CAMK2G: variants seen among roughly 807,000 people sequenced by gnomAD.
CAMK2G encodes calcium/calmodulin dependent protein kinase II gamma, also known as calcium/calmodulin-dependent protein kinase type II subunit gamma.
CAMK2G carries 23 observed loss-of-function variants against 88.7 expected under a neutral mutation model. The observed-to-expected ratio is 0.26, with a 90% CI of 0.19 to 0.37. The LOEUF (loss-of-function observed/expected upper bound fraction) is 0.37. Ranked by LOEUF, CAMK2G falls within the 10% of genes least tolerant of loss-of-function variation. CAMK2G has a pLI of 1.00. For synonymous variants in CAMK2G, 263 were observed against 294.8 expected (o/e 0.89, Z 1.11); for missense variants, 476 against 780.8 (o/e 0.61, Z 4.65).
chr10:73,815,187 A>G lies in CAMK2G; in HGVS notation c.1595T>C (p.Ile532Thr), dbSNP rs778095008. 7.4e-6 allele frequency: 12 copies of G among 1,614,110 alleles called. No homozygotes were observed. The highest frequency in any genetic ancestry group is 1.1e-5 in the South Asian group (1 of 91,096). Residue 532 changes from isoleucine (I) to threonine (T), a missense_variant, in exon 22 of 23, where the codon ATT (isoleucine) becomes ACT (threonine). Physicochemically the swap from Ile to Thr is moderately conservative, Grantham distance 89. This residue lies in a region of CAMK2G where 278 missense variants were observed against 366.5 expected (regional missense o/e 0.76). Transcript: ENST00000423381. ...GGCGATGCACGCTGCGTCCTCCCCA[A>G]TCACGTGGACGTGTGGGTTTAGGAT... is the stretch of plus-strand genomic sequence containing the variant. ...TTILNPHVHV[I>T]GEDAACIAYI...
intron 3 of CAMK2G, among the ~76,000 whole-genome samples, chr10:73,854,997 A>G (rs1327863100): frequency 2.0e-5 from 3 of 152,168 alleles, no homozygotes; most frequent in Admixed American, 2.0e-4. Flanking sequence ...ATTATTGGAT[A>G]TAATGTATAT....
intron 18 of CAMK2G, among the ~76,000 whole-genome samples, 181 bp from the exon 19 acceptor site, chr10:73,819,826 C>G (rs2087215084): frequency 6.6e-6 from 1 of 152,230 alleles, no homozygotes; most frequent in Non-Finnish European, 1.5e-5. Flanking sequence ...GCCGCCTCTG[C>G]CAGAGAGGCC....
intron 14 of CAMK2G, among the ~76,000 whole-genome samples, chr10:73,831,328 A>T (rs2092391967): frequency 6.6e-6 from 1 of 151,820 alleles, no homozygotes; most frequent in South Asian, 2.1e-4. Flanking sequence ...TCACAAGGTC[A>T]GGAGATCGAG....
chr10:73,873,884 A>C, intron 1 of CAMK2G, among the ~76,000 whole-genome samples: 1 of 22,130 alleles, frequency 4.5e-5, no homozygotes, highest in Non-Finnish European at 8.3e-5. Flanking sequence ...GGGGGAGGGG[A>C]CGGGGGTGCC....
chr10:73,873,107 C>G, intron 1 of CAMK2G, 24 bp from the exon 2 acceptor site: 2 of 1,510,346 alleles, frequency 1.3e-6, no homozygotes, highest in Non-Finnish European at 1.8e-6. Flanking sequence ...GGGAAAAGAA[C>G]TGGGACACGG....
intron 14 of CAMK2G, among the ~76,000 whole-genome samples, chr10:73,835,433 A>C (rs1158146842): frequency 1.3e-5 from 2 of 151,114 alleles, no homozygotes; most frequent in African/African-American, 4.9e-5. Flanking sequence ...AGTAGCTGTG[A>C]CTACAGATGC....
Position 73,842,041 on chromosome 10 carries a change from T to A in CAMK2G, c.946+128A>T. ...GCAGCAGCAGCCCCTCAAAACAGGA[T>A]CCTCACTCGCCCTGGTCAAGGTGTG... On this transcript the variant is annotated intron_variant, in intron 12 of 22. Coordinates refer to ENST00000423381, the MANE Select transcript of CAMK2G (RefSeq NM_001367534.1). This position sits in a 1 kb window ranked among gnomAD's most constrained non-coding sequence, Gnocchi z 4.6. 1 of 758,136 alleles carries A rather than the reference T, an allele frequency of 1.3e-6. No individual in the cohort carries two copies. 47.0% of individuals were successfully genotyped at this position (758,136 alleles called of 1,614,324 possible). A position where few individuals can be genotyped will look rare whatever the true frequency, so the allele number is the denominator to read the frequency against.
chr10:73,855,693 A>C (rs2094977485), intron 3 of CAMK2G, among the ~76,000 whole-genome samples: 1 of 152,254 alleles, frequency 6.6e-6, no homozygotes, highest in East Asian at 1.9e-4. Context: ...AAGCCGGGGA[A>C]GGGAATTAGA....
chr10:73,860,736 C>T, intron 3 of CAMK2G, 94 bp downstream of exon 3: 4 of 912,908 alleles, frequency 4.4e-6, no homozygotes, highest in Non-Finnish European at 7.2e-6. Flanking sequence ...TGAAGGTCCA[C>T]AGACAGAGGT....
Position 73,839,134 on chromosome 10 carries a change from T to C in CAMK2G, c.1009+405A>G, listed in dbSNP as rs1353637686. On this transcript the variant is annotated intron_variant, in intron 13 of 22. Coordinates refer to ENST00000423381, the MANE Select transcript of CAMK2G (RefSeq NM_001367534.1). The surrounding 1 kb of genome is among the most constrained non-coding windows in gnomAD (Gnocchi z 4.2). ...GGCCAGCAAGCGCCAGACTTCACAA[T>C]TTTGAGGAGCGCGGCTCCTCTGTGG... is the stretch of plus-strand genomic sequence containing the variant. Among the ~76,000 whole-genome samples, 1 of 152,196 alleles carries C rather than the reference T, an allele frequency of 6.6e-6. No homozygotes were observed. Among genetic ancestry groups the C allele is most frequent in the Non-Finnish European group, 1.5e-5 (1 of 68,020 alleles).
At chr10:73,863,110 C>G (rs2095450256) in intron 2 of CAMK2G, among the ~76,000 whole-genome samples, 1 of 152,236 alleles carries the variant, frequency 6.6e-6, no homozygotes, top group Non-Finnish European at 1.5e-5. Flanking sequence ...CAGCTTTGTC[C>G]TAAACTTTCC....
Position 73,825,347 on chromosome 10 carries a change from G to T in CAMK2G, c.1087C>A (p.Pro363Thr). The T allele has an allele frequency of 1.2e-6, 2 of 1,613,326 alleles. No homozygotes were observed. Among genetic ancestry groups the T allele is most frequent in the Non-Finnish European group, 1.7e-6 (2 of 1,179,250 alleles). Reference sequence around the variant, plus strand: ...AGACTGTTTTTGTTGTTGCTCTGTGGCTGAGACAAGAAAACAGATGGTTTA... The same window carrying T: ...AGACTGTTTTTGTTGTTGCTCTGTGTCTGAGACAAGAAAACAGATGGTTTA... ...RKSSSSVHLM[P>T]QSNNKNSLVS... Residue 363 changes from proline (P) to threonine (T), a missense_variant and splice_region_variant, in exon 16 of 23, where the codon CCA becomes ACA. Pro to Thr is a conservative substitution (Grantham distance 38). Coordinates refer to ENST00000423381, the MANE Select transcript of CAMK2G (RefSeq NM_001367534.1).
At position 73,839,534 on chromosome 10, in the gene CAMK2G, C is replaced by T. The variant is rs2093587372; in HGVS notation, c.1009+5G>A. On this transcript the variant is annotated splice_donor_5th_base_variant and intron_variant, in intron 13 of 22. Coordinates refer to ENST00000423381, the MANE Select transcript of CAMK2G (RefSeq NM_001367534.1). The surrounding 1 kb of genome is among the most constrained non-coding windows in gnomAD (Gnocchi z 4.2). ...AGGCGGTCGGGGAGGACTCATGCCACGTACCTTGCCCGGCCAGGCCGGCGG... is the reference window on the plus strand; with the variant it reads ...AGGCGGTCGGGGAGGACTCATGCCATGTACCTTGCCCGGCCAGGCCGGCGG... 1.2e-5 allele frequency: 15 copies of T among 1,234,100 alleles called. No individual in the cohort carries two copies. The South Asian group carries it at 1.2e-4, about 10-fold the overall frequency. The allele number at this position is 1,234,100 out of a possible 1,614,324, so 76.4% of individuals were successfully genotyped here.
intron 18 of CAMK2G, among the ~76,000 whole-genome samples, chr10:73,820,148 A>G (rs888253512): frequency 2.0e-5 from 3 of 152,102 alleles, no homozygotes; most frequent in African/African-American, 4.8e-5. Context: ...GCTCTGTCCT[A>G]GAGTGTTCCT....
At chr10:73,819,168 C>T (rs1380089793) in intron 19 of CAMK2G, among the ~76,000 whole-genome samples, 2 of 152,140 alleles carry the variant, frequency 1.3e-5, no homozygotes, top group Non-Finnish European at 2.9e-5. Flanking sequence ...CACAGTTCCT[C>T]GCTGTCACGA....
At chr10:73,852,977 A>G (rs968075407) in intron 4 of CAMK2G, among the ~76,000 whole-genome samples, 1 of 152,202 alleles carries the variant, frequency 6.6e-6, no homozygotes, top group Non-Finnish European at 1.5e-5. Flanking sequence ...TGCGAGAGGA[A>G]TGCTGTCCTG....
At chr10:73,859,213 G>T (rs2095251851) in intron 3 of CAMK2G, among the ~76,000 whole-genome samples, 1 of 152,206 alleles carries the variant, frequency 6.6e-6, no homozygotes, top group African/African-American at 2.4e-5. Context: ...GCCTACAGGG[G>T]CCCAGGTGGG....
chr10:73,869,682 T>G (rs2095742640), intron 2 of CAMK2G, among the ~76,000 whole-genome samples: 1 of 152,256 alleles, frequency 6.6e-6, no homozygotes, highest in Admixed American at 6.5e-5. Context: ...ATAAGGACCC[T>G]TCCCTCACCT....
chr10:73,864,130 A>C (rs1405885501), intron 2 of CAMK2G, among the ~76,000 whole-genome samples: 1 of 152,146 alleles, frequency 6.6e-6, no homozygotes, highest in Non-Finnish European at 1.5e-5. Context: ...TGGGTGGATC[A>C]CTTGAGGTCA....
Sources: allele counts gnomAD v4.1 joint callset (sites outside exome capture counted in the v4.1 genomes callset), GRCh38; gene constraint gnomAD v4.1.1; regional missense constraint gnomAD v4.1.1; non-coding constraint Gnocchi (gnomAD v3.1); transcripts MANE v1.5; gene names NCBI Gene and HGNC (gene_info 2026-07-23, HGNC 2026-07-21).